Variants in WDHD1 observed in about 807,000 individuals in gnomAD.
WDHD1 encodes the protein WD repeat and HMG-box DNA-binding protein 1.
A neutral mutation model predicts 135.4 loss-of-function variants in WDHD1; 111 were observed. The ratio of observed to expected loss-of-function variants is 0.82; its 90% CI spans 0.70 to 0.96. The LOEUF is 0.96. Ranked by LOEUF, WDHD1 falls within the 40% of genes least tolerant of loss-of-function variation. WDHD1 has a pLI of 0.00. For missense variants in WDHD1, 1,351 were observed against 1,336.3 expected (o/e 1.01, Z -0.17); for synonymous variants, 434 against 439.0 (o/e 0.99, Z 0.14).
chr14:55,000,648 A>G lies in WDHD1; in HGVS notation c.801-4T>C, dbSNP rs1387156992. The G allele has an allele frequency of 6.5e-7, 1 of 1,532,954 alleles. No homozygotes were observed. Among genetic ancestry groups the G allele is most frequent in the African/African-American group, 1.4e-5 (1 of 71,894 alleles). 95.0% of individuals were successfully genotyped at this position (1,532,954 alleles called of 1,614,324 possible). A position where few individuals can be genotyped will look rare whatever the true frequency, so the allele number is the denominator to read the frequency against. Reference sequence around the variant, plus strand: ...ATAACCTTTCTCATGTTTCACCCTAAAAATTAAAAAGTAGGTTCTAAAAAT... The same window carrying G: ...ATAACCTTTCTCATGTTTCACCCTAGAAATTAAAAAGTAGGTTCTAAAAAT... On this transcript the variant is annotated splice_polypyrimidine_tract_variant and splice_region_variant and intron_variant, in intron 9 of 25. Transcript: ENST00000360586.
intron 24 of WDHD1, among the ~76,000 whole-genome samples, chr14:54,948,073 G>A (rs767307294): frequency 2.6e-5 from 4 of 151,874 alleles, no homozygotes; most frequent in Non-Finnish European, 5.9e-5. Context: ...AAATTAAGCG[G>A]TTCCAAGATG....
At chr14:55,009,341 T>C (rs937151068) in intron 4 of WDHD1, among the ~76,000 whole-genome samples, 1 of 152,168 alleles carries the variant, frequency 6.6e-6, no homozygotes, top group African/African-American at 2.4e-5. Flanking sequence ...ACCTCAGCAA[T>C]TCAACCAACT....
At chr14:54,954,749 G>C (rs1312008753) in intron 24 of WDHD1, among the ~76,000 whole-genome samples, 1 of 152,038 alleles carries the variant, frequency 6.6e-6, no homozygotes, top group East Asian at 1.9e-4. Flanking sequence ...GTTTTTTTGA[G>C]ACAGAGTTTC....
Position 54,991,292 on chromosome 14 carries a change from T to TA in WDHD1, c.1261dup (p.Tyr421LeufsTer2), listed in dbSNP as rs1258229552. 3 of 1,613,974 alleles carry TA rather than the reference T, an allele frequency of 1.9e-6. No homozygotes were observed. Among genetic ancestry groups the TA allele is most frequent in the South Asian group, 2.2e-5 (2 of 91,078 alleles). ...CCGGGGAGTTGGCATGGGTCCATCA[T>TA]AAAATGGCCTTTGGGATGTTACAAG... is the stretch of plus-strand genomic sequence containing the variant. On this transcript the variant is annotated frameshift_variant, in exon 12 of 26. Transcript: ENST00000360586. LOFTEE classifies it high-confidence loss of function.
At position 55,008,669 on chromosome 14, in the gene WDHD1, G is replaced by A. The variant is rs1361195960; in HGVS notation, c.392C>T (p.Thr131Ile). Residue 131 changes from threonine (T) to isoleucine (I), a missense_variant, in exon 5 of 26, where the codon ACA becomes ATA. Physicochemically the swap from Thr to Ile is moderately conservative, Grantham distance 89. This residue lies in a region of WDHD1 where 1,330 missense variants were observed against 1,296.1 expected (regional missense o/e 1.03). Coordinates refer to ENST00000360586, the MANE Select transcript of WDHD1 (RefSeq NM_007086.4). ...AACAGGGGCATCATGTCCTCGAAAT[G>A]TTTTCTGTTGGCTGCTATCCATCAC... ...VDVMDSSQQK[T>I]FRGHDAPVLS... is the part of the protein sequence containing the mutation. 1.2e-6 allele frequency: 2 copies of A among 1,613,222 alleles called. No individual in the cohort carries two copies. Among genetic ancestry groups the A allele is most frequent in the African/African-American group, 2.7e-5 (2 of 74,862 alleles).
intron 11 of WDHD1, among the ~76,000 whole-genome samples, 198 bp from the exon 12 acceptor site, chr14:54,991,598 T>C (rs1237849541): frequency 6.6e-6 from 1 of 152,240 alleles, no homozygotes; most frequent in Non-Finnish European, 1.5e-5. Context: ...TTGGCACCAA[T>C]CAAGGCAGTG....
chr14:55,008,363 A>C lies in WDHD1; in HGVS notation c.457T>G (p.Ser153Ala). ...SFDPKDIFLA[S>A]ASCDGSVRVW... is the part of the protein sequence containing the mutation. ...CTGACAGATCCATCACAACTAGCTG[A>C]TGCCTGCAGGAATAAACAATACATT... Residue 153 changes from serine (S) to alanine (A), a missense_variant, in exon 6 of 26, where the codon TCA becomes GCA. This residue lies in a region of WDHD1 where 1,330 missense variants were observed against 1,296.1 expected (regional missense o/e 1.03). Coordinates refer to ENST00000360586, the MANE Select transcript of WDHD1 (RefSeq NM_007086.4). 1 of 1,613,626 alleles carries C rather than the reference A, an allele frequency of 6.2e-7. No individual in the cohort carries two copies. Among genetic ancestry groups the C allele is most frequent in the Non-Finnish European group, 8.5e-7 (1 of 1,179,792 alleles).
chr14:54,980,992 T>A (rs537866271), intron 16 of WDHD1, among the ~76,000 whole-genome samples: 1 of 151,390 alleles, frequency 6.6e-6, no homozygotes, highest in African/African-American at 2.4e-5. Context: ...GCACCTATAA[T>A]CCCAGCTACT....
At chr14:55,015,045 T>C (rs1001511892) in intron 2 of WDHD1, among the ~76,000 whole-genome samples, 10 of 152,306 alleles carry the variant, frequency 6.6e-5, no homozygotes, top group African/African-American at 2.4e-4. Context: ...TTAGGCTCCC[T>C]TCTATAGAGA....
At chr14:55,010,237 A>G in intron 4 of WDHD1, 72 bp downstream of exon 4, 1 of 1,379,108 alleles carries the variant, frequency 7.3e-7, no homozygotes, top group Non-Finnish European at 9.5e-7. Context: ...TCCTGAAAAC[A>G]CTACCCTGAA....
chr14:54,971,133 C>T (rs1181081400), intron 16 of WDHD1, among the ~76,000 whole-genome samples: 1 of 152,112 alleles, frequency 6.6e-6, no homozygotes, highest in East Asian at 1.9e-4. Context: ...ATATAAAAAT[C>T]CCAGAAGAAA....
intron 24 of WDHD1, among the ~76,000 whole-genome samples, chr14:54,949,581 G>A (rs961760493): frequency 2.0e-5 from 3 of 152,192 alleles, no homozygotes; most frequent in African/African-American, 7.2e-5. Context: ...ACACTCTGCA[G>A]GATACTATCC....
chr14:55,008,427 T>G, intron 5 of WDHD1, 61 bp from the exon 6 acceptor site: 1 of 1,544,044 alleles, frequency 6.5e-7, no homozygotes, highest in Non-Finnish European at 8.8e-7. Context: ...TGGAAAGTGG[T>G]TCAATTAATT....
intron 2 of WDHD1, among the ~76,000 whole-genome samples, chr14:55,015,891 G>T (rs2042254600): frequency 6.6e-6 from 1 of 151,944 alleles, no homozygotes; most frequent in African/African-American, 2.4e-5. Flanking sequence ...TAGAGATGGG[G>T]TTCCACCATG....
At chr14:55,011,865 A>C (rs957871369) in intron 3 of WDHD1, among the ~76,000 whole-genome samples, 4 of 152,136 alleles carry the variant, frequency 2.6e-5, no homozygotes, top group Non-Finnish European at 4.4e-5. Flanking sequence ...TCTCAATTGA[A>C]AGACCCTTCA....
chr14:54,988,445 G>A (rs188222027), intron 13 of WDHD1, among the ~76,000 whole-genome samples: 269 of 152,200 alleles, frequency 1.8e-3, no homozygotes, highest in Non-Finnish European at 2.9e-3. Context: ...AAACATTTTC[G>A]GGTGATAAAG....
intron 11 of WDHD1, among the ~76,000 whole-genome samples, chr14:54,992,501 A>T (rs1260805244): frequency 6.6e-6 from 1 of 152,164 alleles, no homozygotes; most frequent in Non-Finnish European, 1.5e-5. Context: ...AAAAATAAAA[A>T]CAAGAAATTT....
intron 22 of WDHD1, among the ~76,000 whole-genome samples, 180 bp downstream of exon 22, chr14:54,957,412 T>C (rs1215456583): frequency 1.3e-5 from 2 of 152,196 alleles, no homozygotes; most frequent in African/African-American, 4.8e-5. Context: ...TTCAAAACCA[T>C]AGGTACTTAG....
At chr14:54,986,684 G>A (rs1805016674) in intron 14 of WDHD1, among the ~76,000 whole-genome samples, 1 of 152,136 alleles carries the variant, frequency 6.6e-6, no homozygotes, top group South Asian at 2.1e-4. Flanking sequence ...ATTTTCAATG[G>A]AATTATTTTT....
Sources: allele counts gnomAD v4.1 joint callset (sites outside exome capture counted in the v4.1 genomes callset), GRCh38; gene constraint gnomAD v4.1.1; regional missense constraint gnomAD v4.1.1; transcripts MANE v1.5; gene names NCBI Gene and HGNC (gene_info 2026-07-23, HGNC 2026-07-21).